Variants in CEP162 observed in about 807,000 individuals in gnomAD.
The protein encoded by CEP162 is centrosomal protein of 162 kDa.
CEP162 carries 141 observed loss-of-function variants against 169.2 expected under a neutral mutation model. The ratio of observed to expected loss-of-function variants is 0.83; its 90% CI spans 0.73 to 0.96. The LOEUF is 0.96. Ranked by LOEUF, CEP162 falls within the 40% of genes least tolerant of loss-of-function variation. CEP162 has a pLI of 0.00. For missense variants in CEP162, 1,600 were observed against 1,587.2 expected, an observed-to-expected ratio of 1.01 and a Z score of -0.14; for synonymous variants, 540 against 526.4, an observed-to-expected ratio of 1.03 and a Z score of -0.35.
intron 3 of CEP162, among the ~76,000 whole-genome samples, chr6:84,217,522 C>A (rs2099552037): frequency 6.6e-6 from 1 of 152,064 alleles, no homozygotes; most frequent in Non-Finnish European, 1.5e-5. Context: ...GAAAGGAGGC[C>A]AGTGTAGTGA....
At position 84,169,404 on chromosome 6, in the gene CEP162, G is replaced by T; in HGVS notation, c.2309C>A (p.Ser770Tyr). 6.3e-7 allele frequency: 1 copy of T among 1,576,004 alleles called. No individual in the cohort carries two copies. Among genetic ancestry groups the T allele is most frequent in the Admixed American group, 1.8e-5 (1 of 54,906 alleles). ...GGGCTCTGAATCTTCAACTACTTGA[G>T]ACAGAAAACGACTTTTGTGCATCTG... is the stretch of plus-strand genomic sequence containing the variant. ...KEQMHKSRFL[S>Y]QVVEDSEPTR... The change falls in exon 18 of 27, where the codon TCT becomes TAT. Residue 770 changes from serine to tyrosine, a missense_variant. Transcript: ENST00000403245.
rs1271015095 is a variant in CEP162, at chr6:84,226,348, A to T, written c.46T>A (p.Phe16Ile). The T allele has an allele frequency of 1.3e-6, 2 of 1,560,304 alleles. No homozygotes were observed. The highest frequency in any genetic ancestry group is 4.7e-5 in the East Asian group (2 of 42,830). ...QEELDEEFEQ[F>I]MKELSDDSFE... ...AAATATAAACTTACCTCTTTCATAA[A>T]CTGTTCAAACTCTTCATCTAGCTCT... Residue 16 changes from phenylalanine (F) to isoleucine (I), a missense_variant, in exon 2 of 27, where the codon TTT becomes ATT. Phe to Ile is a conservative substitution (Grantham distance 21). Coordinates refer to ENST00000403245, the MANE Select transcript of CEP162 (RefSeq NM_014895.4).
intron 21 of CEP162, among the ~76,000 whole-genome samples, chr6:84,156,510 C>T (rs558501920): frequency 1.6e-4 from 24 of 152,170 alleles, no homozygotes; most frequent in African/African-American, 5.8e-4. Context: ...ATTAAAACCA[C>T]AATGAGGTAC....
rs943393513 is a variant in CEP162, at chr6:84,161,062, C to A, written c.2677-146G>T. ...TTAATTCCTCAAATTCTTTGAGCTC[C>A]TCCCAAGTTCCAGGCACTTCCTAGA... is the stretch of plus-strand genomic sequence containing the variant. On this transcript the variant is annotated intron_variant, in intron 20 of 26. Transcript: ENST00000403245. 5 of 625,398 alleles carry A rather than the reference C, an allele frequency of 8.0e-6. No individual in the cohort carries two copies. The East Asian group carries it at 1.4e-4, about 17-fold the overall frequency. The allele number at this position is 625,398 out of a possible 1,614,324, so 38.7% of individuals were successfully genotyped here.
At chr6:84,184,450 C>T (rs2099536238) in intron 13 of CEP162, among the ~76,000 whole-genome samples, 1 of 152,148 alleles carries the variant, frequency 6.6e-6, no homozygotes, top group South Asian at 2.1e-4. Flanking sequence ...TCCATGGAAA[C>T]TGCTTGTCCA....
intron 25 of CEP162, among the ~76,000 whole-genome samples, chr6:84,145,528 G>C (rs2099518453): frequency 1.3e-5 from 2 of 152,078 alleles, no homozygotes; most frequent in South Asian, 4.1e-4. Context: ...TTAGAAAACT[G>C]TAACACACCC....
chr6:84,215,027 T>C (rs1292472046), intron 5 of CEP162, among the ~76,000 whole-genome samples: 7 of 152,340 alleles, frequency 4.6e-5, no homozygotes, highest in Admixed American at 6.5e-5. Context: ...AGTAAGGACT[T>C]CTTGGCAATG....
At position 84,153,083 on chromosome 6, in the gene CEP162, G is replaced by C. The variant is rs766323916; in HGVS notation, c.3091C>G (p.Leu1031Val). Residue 1031 changes from leucine (L) to valine (V), a missense_variant, in exon 23 of 27, where the codon CTT becomes GTT. Transcript: ENST00000403245. ...TGATGGGCTTCCTTGATGTCATCAAGTTCCTTCTCTAGGGCTTTAATTCTG... is the reference window on the plus strand; with the variant it reads ...TGATGGGCTTCCTTGATGTCATCAACTTCCTTCTCTAGGGCTTTAATTCTG... ...SPRIKALEKE[L>V]DDIKEAHQIT... 4.0e-5 allele frequency: 65 copies of C among 1,613,226 alleles called. No individual in the cohort carries two copies. Among genetic ancestry groups the C allele is most frequent in the Non-Finnish European group, 5.3e-5 (62 of 1,179,652 alleles).
Position 84,175,478 on chromosome 6 carries a change from CA to C in CEP162, c.1664-132del. The C allele has an allele frequency of 5.2e-6, 3 of 573,868 alleles. No individual in the cohort carries two copies. The South Asian group carries it at 7.8e-5, about 15-fold the overall frequency. 35.5% of individuals were successfully genotyped at this position (573,868 alleles called of 1,614,324 possible). A position where few individuals can be genotyped will look rare whatever the true frequency, so the allele number is the denominator to read the frequency against. ...GATCTCAGAATAGGCTGATGGACTA[CA>C]CTATAACACAGCTGTTTCACTATAA... is the stretch of plus-strand genomic sequence containing the variant. On this transcript the variant is annotated intron_variant, in intron 13 of 26. Coordinates refer to ENST00000403245, the MANE Select transcript of CEP162 (RefSeq NM_014895.4).
At chr6:84,141,768 C>T (rs989875522) in intron 25 of CEP162, among the ~76,000 whole-genome samples, 3 of 152,148 alleles carry the variant, frequency 2.0e-5, no homozygotes, top group African/African-American at 7.2e-5. Flanking sequence ...CTTTGCTGTA[C>T]CTACACTCCA....
At chr6:84,208,512 C>T (rs889010231) in intron 6 of CEP162, among the ~76,000 whole-genome samples, 66 of 152,138 alleles carry the variant, frequency 4.3e-4, no homozygotes, top group African/African-American at 8.7e-4. Context: ...AGAATGAAGA[C>T]GAAGACGACA....
intron 25 of CEP162, among the ~76,000 whole-genome samples, chr6:84,144,717 A>C (rs921674921): frequency 6.6e-6 from 1 of 152,076 alleles, no homozygotes; most frequent in African/African-American, 2.4e-5. Context: ...AATTAATTAC[A>C]TGGGACTAAG....
intron 6 of CEP162, among the ~76,000 whole-genome samples, chr6:84,209,122 T>G (rs1001233603): frequency 2.6e-5 from 4 of 152,192 alleles, no homozygotes; most frequent in Non-Finnish European, 5.9e-5. Flanking sequence ...GAGCATGACC[T>G]GGAGCCAGAA....
intron 21 of CEP162, among the ~76,000 whole-genome samples, chr6:84,158,791 A>C (rs755464208): frequency 6.6e-6 from 1 of 152,074 alleles, no homozygotes; most frequent in Non-Finnish European, 1.5e-5. Context: ...AAATATTTTC[A>C]ATCTGATTTT....
In CEP162 at chr6:84,161,885, A is replaced by G; in HGVS notation, c.2537T>C (p.Ile846Thr). The change falls in exon 20 of 27, where the codon ATT becomes ACT. Residue 846 changes from isoleucine to threonine, a missense_variant. Ile to Thr is a moderately conservative substitution (Grantham distance 89). Coordinates refer to ENST00000403245, the MANE Select transcript of CEP162 (RefSeq NM_014895.4). ...TTCTTGTTTATGTGTTTCTTCTAAA[A>G]TTTTTATTTCATATAATTTCTCACC... ...VTGEKLYEIK[I>T]LEETHKQEIS... 6.4e-7 allele frequency: 1 copy of G among 1,552,470 alleles called. No individual in the cohort carries two copies. The highest frequency in any genetic ancestry group is 8.8e-7 in the Non-Finnish European group (1 of 1,140,140).
rs144447842 is a variant in CEP162 at position 84,140,176 on chromosome 6, G to T, written c.3870+6511C>A. Among the ~76,000 whole-genome samples, 28 of 152,298 alleles carry T rather than the reference G, an allele frequency of 1.8e-4. No homozygotes were observed. The Middle Eastern group carries it at 0.014, about 74-fold the overall frequency. ...GAACCCAAGACACAAGTGACAAGTG[G>T]TGTTCTCTTTGTTTGATGCAGCTCA... On this transcript the variant is annotated intron_variant, in intron 25 of 26. Transcript: ENST00000403245.
intron 11 of CEP162, among the ~76,000 whole-genome samples, chr6:84,188,934 A>G (rs1416641675): frequency 6.6e-6 from 1 of 151,970 alleles, no homozygotes; most frequent in Non-Finnish European, 1.5e-5. Context: ...TCTGACTGGC[A>G]TGAGATGGCA....
intron 3 of CEP162, among the ~76,000 whole-genome samples, chr6:84,218,403 G>A (rs1171991828): frequency 1.3e-5 from 2 of 152,132 alleles, no homozygotes; most frequent in African/African-American, 2.4e-5. Flanking sequence ...GTCTTGCTCT[G>A]TATTCCAAGA....
chr6:84,218,482 T>C (rs1416547509), intron 3 of CEP162, among the ~76,000 whole-genome samples: 1 of 152,232 alleles, frequency 6.6e-6, no homozygotes, highest in Non-Finnish European at 1.5e-5. Flanking sequence ...ATGTTTGTTG[T>C]AAAAAACTGA....
Sources: allele counts gnomAD v4.1 joint callset (sites outside exome capture counted in the v4.1 genomes callset), GRCh38; gene constraint gnomAD v4.1.1; transcripts MANE v1.5; gene names NCBI Gene and HGNC (gene_info 2026-07-23, HGNC 2026-07-21).